Variants in FAM168A observed in about 807,000 individuals in gnomAD.
The protein encoded by FAM168A is protein FAM168A.
A neutral mutation model predicts 28.5 loss-of-function variants in FAM168A; 3 were observed. That is an observed-to-expected ratio of 0.11 (90% CI 0.05 to 0.27). FAM168A has a LOEUF of 0.27. Among genes scored for constraint, FAM168A ranks in the 10% least tolerant of loss-of-function variants. The probability of loss-of-function intolerance (pLI) is 1.00; values close to 1 mark genes in which losing one functional copy is unlikely to be tolerated. For missense variants in FAM168A, 222 were observed against 311.5 expected (o/e 0.71, Z 2.16); for synonymous variants, 122 against 124.2 (o/e 0.98, Z 0.12).
At chr11:73,582,785 T>C (rs1944263418) in intron 1 of FAM168A, among the ~76,000 whole-genome samples, 1 of 152,234 alleles carries the variant, frequency 6.6e-6, no homozygotes, top group Admixed American at 6.5e-5. Context: ...TCCCGTCTTC[T>C]CCATTTACCA....
intron 2 of FAM168A, among the ~76,000 whole-genome samples, chr11:73,457,378 A>G (rs1266895219): frequency 6.6e-6 from 1 of 151,690 alleles, no homozygotes; most frequent in Non-Finnish European, 1.5e-5. Flanking sequence ...GGACAGAGTG[A>G]AACTCCATCT....
chr11:73,430,640 G>C (rs563427064), intron 3 of FAM168A, 50 bp downstream of exon 3: 1 of 1,543,546 alleles, frequency 6.5e-7, no homozygotes, highest in Non-Finnish European at 8.9e-7. Flanking sequence ...TTCCCAAATA[G>C]AGTCCCCCTT....
At chr11:73,426,659 GTGTGTGTGTGTA>G (rs2134504727) in intron 3 of FAM168A, among the ~76,000 whole-genome samples, 1 of 151,640 alleles carries the variant, frequency 6.6e-6, no homozygotes, top group African/African-American at 2.4e-5. Flanking sequence ...AAAATATGCT[GTGTGTGTGTGTA>G]TGTGTGTGTG....
intron 1 of FAM168A, among the ~76,000 whole-genome samples, chr11:73,522,614 G>A (rs1228405404): frequency 6.6e-6 from 1 of 151,792 alleles, no homozygotes; most frequent in African/African-American, 2.4e-5. Context: ...GGGATTACAG[G>A]TGTGAGCCAC....
intron 1 of FAM168A, among the ~76,000 whole-genome samples, chr11:73,535,788 T>C (rs896886489): frequency 5.3e-5 from 8 of 149,718 alleles, no homozygotes; most frequent in Admixed American, 2.0e-4. Flanking sequence ...CTCAAACTCC[T>C]GGGCTGAAGT....
At chr11:73,512,182 TAAC>T (rs1490530572) in intron 1 of FAM168A, among the ~76,000 whole-genome samples, 1 of 152,196 alleles carries the variant, frequency 6.6e-6, no homozygotes, top group African/African-American at 2.4e-5. Flanking sequence ...AATAAATGCA[TAAC>T]AACAAACACA....
chr11:73,550,329 C>T (rs1021012328), intron 1 of FAM168A, among the ~76,000 whole-genome samples: 1 of 152,138 alleles, frequency 6.6e-6, no homozygotes, highest in Admixed American at 6.6e-5. Context: ...ACAAAGGAAG[C>T]TACTCAGAGA....
chr11:73,454,546 C>T (rs1245098960), intron 2 of FAM168A, among the ~76,000 whole-genome samples: 2 of 152,172 alleles, frequency 1.3e-5, no homozygotes, highest in East Asian at 3.9e-4. Flanking sequence ...AAAGAGCAGG[C>T]CCCTGGCGAA....
At chr11:73,442,327 C>T (rs370552820) in intron 2 of FAM168A, among the ~76,000 whole-genome samples, 3 of 151,926 alleles carry the variant, frequency 2.0e-5, no homozygotes, top group African/African-American at 7.3e-5. Context: ...GGGGTTTCGC[C>T]GTGTTAGCCA....
At chr11:73,593,873 A>C (rs1944411706) in intron 1 of FAM168A, among the ~76,000 whole-genome samples, 1 of 152,184 alleles carries the variant, frequency 6.6e-6, no homozygotes, top group African/African-American at 2.4e-5. Flanking sequence ...GACAGACTTC[A>C]AAACCCACAT....
chr11:73,565,763 G>A (rs889150558), intron 1 of FAM168A, among the ~76,000 whole-genome samples: 1 of 152,034 alleles, frequency 6.6e-6, no homozygotes, highest in African/African-American at 2.4e-5. Flanking sequence ...ATCTTTCCAG[G>A]GAAGGCTTTT....
intron 2 of FAM168A, among the ~76,000 whole-genome samples, chr11:73,463,256 C>T (rs755117491): frequency 2.0e-5 from 3 of 152,048 alleles, no homozygotes; most frequent in Admixed American, 6.6e-5. Flanking sequence ...TGTGAGCCAC[C>T]GCGCCCAGCC....
chr11:73,433,393 C>A (rs765578337), intron 2 of FAM168A, among the ~76,000 whole-genome samples: 1 of 150,928 alleles, frequency 6.6e-6, no homozygotes, highest in Non-Finnish European at 1.5e-5. Context: ...ATTTTAAGTC[C>A]AATTTACCTA....
intron 2 of FAM168A, among the ~76,000 whole-genome samples, chr11:73,436,701 T>G (rs948531748): frequency 1.3e-5 from 2 of 152,162 alleles, no homozygotes; most frequent in African/African-American, 4.8e-5. Context: ...TATTAAGACT[T>G]CTCTTACAGA....
chr11:73,417,806 A>T (rs1866722637), intron 4 of FAM168A, among the ~76,000 whole-genome samples: 1 of 151,750 alleles, frequency 6.6e-6, no homozygotes, highest in Non-Finnish European at 1.5e-5. Flanking sequence ...TGATCCGCCC[A>T]CCTCGGCCTC....
chr11:73,488,253 C>T (rs1868081240), intron 1 of FAM168A, among the ~76,000 whole-genome samples: 1 of 151,968 alleles, frequency 6.6e-6, no homozygotes, highest in Admixed American at 6.6e-5. Flanking sequence ...GTCTCAGCCT[C>T]CCAAGTAGCT....
intron 1 of FAM168A, among the ~76,000 whole-genome samples, chr11:73,484,582 ATCTATCTATATATCGATATC>A (rs1390001753): frequency 3.6e-4 from 48 of 131,804 alleles, no homozygotes; most frequent in Non-Finnish European, 6.4e-5. Context: ...ATATATCGAT[ATCTATCTATATATCGATATC>A]TATATCGATA....
At position 73,409,796 on chromosome 11, in the gene FAM168A, G is replaced by A. The variant is rs985601529; in HGVS notation, c.421-135C>T. ...TTGTCTTACTATGTGACTGTGGTCA[G>A]TGCAGTGCTGGGCTCAGCTTCTGGT... is the stretch of plus-strand genomic sequence containing the variant. On this transcript the variant is annotated intron_variant, in intron 5 of 7. Transcript: ENST00000356467. The A allele has an allele frequency of 6.0e-6, 5 of 839,822 alleles. No homozygotes were observed. The South Asian group carries it at 7.6e-5, about 13-fold the overall frequency. The allele number at this position is 839,822 out of a possible 1,614,324, so 52.0% of individuals were successfully genotyped here.
At chr11:73,508,179 A>G (rs1441597479) in intron 1 of FAM168A, among the ~76,000 whole-genome samples, 1 of 152,208 alleles carries the variant, frequency 6.6e-6, no homozygotes, top group Non-Finnish European at 1.5e-5. Context: ...TAAGTACTCA[A>G]TAAAAAGGAG....
Sources: gnomAD v4.1 joint callset for allele counts (sites outside exome capture counted in the v4.1 genomes callset) on GRCh38, gnomAD v4.1.1 for gene constraint, MANE v1.5 for transcripts, NCBI Gene and HGNC (gene_info 2026-07-23, HGNC 2026-07-21) for gene names.